AHCY: variants seen among roughly 807,000 people sequenced by gnomAD.
The protein encoded by AHCY is S-adenosyl-L-homocysteine hydrolase.
AHCY carries 24 observed loss-of-function variants against 45.4 expected under a neutral mutation model. The ratio of observed to expected loss-of-function variants is 0.53; its 90% CI spans 0.38 to 0.74. The LOEUF is 0.74. AHCY is among the 30% of genes least tolerant of loss of function. AHCY has a pLI of 0.00. For missense variants in AHCY, 449 were observed against 594.1 expected, an observed-to-expected ratio of 0.76 and a Z score of 2.54; for synonymous variants, 245 against 235.1, an observed-to-expected ratio of 1.04 and a Z score of -0.39.
Position 34,280,672 on chromosome 20 carries a change from A to C in AHCY, c.*362T>G, listed in dbSNP as rs903851493. The C allele has an allele frequency of 1.1e-5, 4 of 355,168 alleles. No individual in the cohort carries two copies. The highest frequency in any genetic ancestry group is 8.5e-5 in the African/African-American group (4 of 47,332). 22.0% of individuals were successfully genotyped at this position (355,168 alleles called of 1,614,324 possible). A position where few individuals can be genotyped will look rare whatever the true frequency, so the allele number is the denominator to read the frequency against. ...GGACCTGTAAACCAAGCACACAGGT[A>C]TAAGTCCACAGACCAGGTGAAGGCC... On this transcript the variant is annotated 3_prime_UTR_variant, in exon 10 of 10. Transcript: ENST00000217426.
At position 34,309,015 on chromosome 20, in the gene AHCY, A is replaced by T. The variant is rs574675140; in HGVS notation, c.-57+2457T>A. ...CCCTCTGCTGCTCAAGCTAGGGTACAGTGGCACACTCTCAGCTCACTGCAA... is the reference window on the plus strand; with the variant it reads ...CCCTCTGCTGCTCAAGCTAGGGTACTGTGGCACACTCTCAGCTCACTGCAA... On this transcript the variant is annotated intron_variant, in intron 1 of 9. Transcript: ENST00000538132. 2.2e-5 allele frequency among the ~76,000 whole-genome samples: 3 copies of T among 138,280 alleles called. No individual in the cohort carries two copies. In the East Asian group the frequency reaches 6.2e-4, roughly 29 times the overall value. The allele number at this position is 138,280 out of a possible 152,430, so 90.7% of individuals were successfully genotyped here.
chr20:34,269,239 A>C, the AHCY span: 13 of 1,422,018 alleles, frequency 9.1e-6, no homozygotes, highest in African/African-American at 1.5e-5. Flanking sequence ...GGTGATCCCT[A>C]ACAGGGCGGC....
chr20:34,274,063 G>A, the AHCY span, among the ~76,000 whole-genome samples: 2 of 152,126 alleles, frequency 1.3e-5, no homozygotes, highest in African/African-American at 4.8e-5. Flanking sequence ...GGAGTCCAGA[G>A]GCTTTCACAC....
At position 34,280,899 on chromosome 20, in the gene AHCY, CTAAGTGA is replaced by C. The variant is rs1224872269; in HGVS notation, c.*128_*134del. On this transcript the variant is annotated 3_prime_UTR_variant, in exon 10 of 10. Transcript: ENST00000217426. Reference sequence around the variant, plus strand: ...TGACGGCTGCAGCAGAGGCCAAAAACTAAGTGATCAGCCCCAGAGAGTCGATGGGGGA... The same window carrying C: ...TGACGGCTGCAGCAGAGGCCAAAAACTCAGCCCCAGAGAGTCGATGGGGGA... 1 of 1,398,076 alleles carries C rather than the reference CTAAGTGA, an allele frequency of 7.2e-7. No individual in the cohort carries two copies. The highest frequency in any genetic ancestry group is 1.4e-5 in the African/African-American group (1 of 70,022). The allele number at this position is 1,398,076 out of a possible 1,614,324, so 86.6% of individuals were successfully genotyped here.
At chr20:34,237,344 T>C in the AHCY span, among the ~76,000 whole-genome samples, 1 of 152,194 alleles carries the variant, frequency 6.6e-6, no homozygotes, top group Non-Finnish European at 1.5e-5. Context: ...TTTAATTTCT[T>C]TCAGCAATGT....
At chr20:34,246,823 TC>T in the AHCY span, among the ~76,000 whole-genome samples, 1 of 152,158 alleles carries the variant, frequency 6.6e-6, no homozygotes, top group Non-Finnish European at 1.5e-5. Context: ...TAACTCCAAT[TC>T]CCACAACTCT....
At chr20:34,255,649 C>T in the AHCY span, among the ~76,000 whole-genome samples, 1 of 152,186 alleles carries the variant, frequency 6.6e-6, no homozygotes, top group Non-Finnish European at 1.5e-5. Context: ...CTTTGTTCTA[C>T]AATTATAACC....
chr20:34,253,388 G>A, the AHCY span, among the ~76,000 whole-genome samples: 2 of 151,696 alleles, frequency 1.3e-5, no homozygotes, highest in Middle Eastern at 3.4e-3. Context: ...TTACGGGCGT[G>A]AGCCACCGCG....
chr20:34,303,903 G>T (rs1193714242), upstream of AHCY, among the ~76,000 whole-genome samples: 1 of 152,182 alleles, frequency 6.6e-6, no homozygotes, highest in Non-Finnish European at 1.5e-5. Flanking sequence ...CGCGGAGGCG[G>T]GAGGGAGGAT....
Position 34,292,356 on chromosome 20 carries a change from A to C in AHCY, c.445+2T>G, listed in dbSNP as rs1317261144. The C allele has an allele frequency of 6.2e-7, 1 of 1,612,750 alleles. No individual in the cohort carries two copies. Among genetic ancestry groups the C allele is most frequent in the South Asian group, 1.1e-5 (1 of 90,900 alleles). On this transcript the variant is annotated splice_donor_variant, in intron 4 of 9. Transcript: ENST00000217426. LOFTEE classifies it high-confidence loss of function. ...CCAGCCCACCTGCCCCGCCCTGCTC[A>C]CCTGGCAGAAGCTGCGGGTACTTGG...
At chr20:34,262,911 C>T in the AHCY span, 3 of 1,613,422 alleles carry the variant, frequency 1.9e-6, no homozygotes, top group South Asian at 2.2e-5. Context: ...CAGGGAAGTT[C>T]TGGGAGTTCT....
intron 1 of AHCY, 189 bp downstream of exon 1, chr20:34,303,054 A>T (rs1377911105): frequency 5.1e-6 from 5 of 985,224 alleles, no homozygotes; most frequent in Non-Finnish European, 6.0e-6. Context: ...GTCCACGGCC[A>T]CCCGGAACGG....
chr20:34,285,291 G>C (rs1425253380), intron 9 of AHCY, 149 bp downstream of exon 9: 1 of 823,214 alleles, frequency 1.2e-6, no homozygotes. Flanking sequence ...TTCTGTCAAT[G>C]GGGAGAATGA....
chr20:34,243,089 C>G, the AHCY span, among the ~76,000 whole-genome samples: 1 of 152,212 alleles, frequency 6.6e-6, no homozygotes, highest in Non-Finnish European at 1.5e-5. Context: ...GAATGAACAT[C>G]TGGGAAGCCT....
downstream of AHCY, among the ~76,000 whole-genome samples, chr20:34,277,959 C>G (rs1336666265): frequency 1.3e-5 from 2 of 152,154 alleles, no homozygotes; most frequent in African/African-American, 4.8e-5. Context: ...CAGGCCTCAT[C>G]TTCCCATCTC....
intron 2 of AHCY, among the ~76,000 whole-genome samples, chr20:34,294,371 C>T (rs2036504698): frequency 1.3e-5 from 2 of 152,114 alleles, no homozygotes; most frequent in African/African-American, 4.8e-5. Flanking sequence ...CACTCCAGTG[C>T]TGTGTGGAAG....
intron 5 of AHCY, 32 bp downstream of exon 5, chr20:34,291,387 G>A (rs777327954): frequency 1.3e-6 from 2 of 1,580,792 alleles, no homozygotes; most frequent in Non-Finnish European, 1.7e-6. Flanking sequence ...TGCAGCCACT[G>A]TAGCGGGAGC....
At chr20:34,304,338 T>C (rs1259244449), upstream of AHCY, among the ~76,000 whole-genome samples, 2 of 152,218 alleles carry the variant, frequency 1.3e-5, no homozygotes, top group South Asian at 2.1e-4. Flanking sequence ...TCCAAAACCC[T>C]TCTATGTTCA....
chr20:34,302,198 A>C (rs2036799831), intron 1 of AHCY: 1 of 162,620 alleles, frequency 6.1e-6, no homozygotes, highest in Admixed American at 6.5e-5. Context: ...ATAGCGTTTC[A>C]CCACGTTGGC....
Sources: gnomAD v4.1 joint callset for allele counts (sites outside exome capture counted in the v4.1 genomes callset) on GRCh38, gnomAD v4.1.1 for gene constraint, MANE v1.5 for transcripts, NCBI Gene and HGNC (gene_info 2026-07-23, HGNC 2026-07-21) for gene names.